Variants in DIPK1A observed in about 807,000 individuals in gnomAD.
The protein encoded by DIPK1A is family with sequence similarity 69 member A.
DIPK1A carries 27 observed loss-of-function variants against 40.8 expected under a neutral mutation model. The observed-to-expected ratio is 0.66, with a 90% CI of 0.49 to 0.91. The LOEUF is 0.91. Ranked by LOEUF, DIPK1A falls within the 40% of genes least tolerant of loss-of-function variation. The pLI, the probability that DIPK1A is intolerant of heterozygous loss-of-function variation, is 0.00. For missense variants in DIPK1A, 412 were observed against 505.7 expected, an observed-to-expected ratio of 0.81 and a Z score of 1.78; for synonymous variants, 166 against 171.3, an observed-to-expected ratio of 0.97 and a Z score of 0.24.
intron 2 of DIPK1A, among the ~76,000 whole-genome samples, chr1:92,874,279 A>G (rs1057465775): frequency 6.6e-6 from 1 of 152,222 alleles, no homozygotes; most frequent in African/African-American, 2.4e-5. Context: ...ATGATACAAG[A>G]TATTTAAAAG....
intron 1 of DIPK1A, among the ~76,000 whole-genome samples, chr1:92,918,193 A>C (rs1384945072): frequency 1.3e-5 from 2 of 152,048 alleles, no homozygotes; most frequent in Non-Finnish European, 2.9e-5. Flanking sequence ...TCTGTCGCCC[A>C]GGCTGGAGTG....
chr1:92,931,125 T>G (rs1403479495), intron 1 of DIPK1A: 3 of 152,164 alleles, frequency 2.0e-5, no homozygotes. Flanking sequence ...ATTTATTATT[T>G]AGAGCATTTT....
chr1:92,839,755 G>A (rs1468075615), downstream of DIPK1A, among the ~76,000 whole-genome samples: 5 of 152,120 alleles, frequency 3.3e-5, no homozygotes, highest in Admixed American at 3.3e-4. Flanking sequence ...CGCAATATTT[G>A]TTTCTGCAGA....
intron 2 of DIPK1A, among the ~76,000 whole-genome samples, chr1:92,866,321 C>T (rs2100756607): frequency 6.6e-6 from 1 of 152,258 alleles, no homozygotes; most frequent in East Asian, 1.9e-4. Flanking sequence ...AGGATGGTCT[C>T]AAACTCCTGA....
chr1:92,892,549 G>GA (rs534182326), intron 1 of DIPK1A, among the ~76,000 whole-genome samples: 1 of 152,114 alleles, frequency 6.6e-6, no homozygotes, highest in East Asian at 1.9e-4. Context: ...CAAAGATGGG[G>GA]AAAAAACAGA....
At chr1:92,906,459 C>T (rs554998499) in intron 1 of DIPK1A, among the ~76,000 whole-genome samples, 7 of 152,110 alleles carry the variant, frequency 4.6e-5, no homozygotes, top group Non-Finnish European at 7.4e-5. Flanking sequence ...TAGTAAGTTA[C>T]GTGAACTTGA....
At chr1:92,866,408 G>A (rs1184205196) in intron 2 of DIPK1A, among the ~76,000 whole-genome samples, 1 of 152,016 alleles carries the variant, frequency 6.6e-6, no homozygotes, top group African/African-American at 2.4e-5. Flanking sequence ...GGCCTTGAAG[G>A]CCCTGTAGAA....
rs1464347631 is a variant in DIPK1A at position 92,842,169 on chromosome 1, T to C, written c.*1214A>G. On this transcript the variant is annotated 3_prime_UTR_variant, in exon 5 of 5. Coordinates refer to ENST00000370310, the MANE Select transcript of DIPK1A (RefSeq NM_001006605.5). ...ACAGACCAACCATCAGTGGGAAATA[T>C]TTCTTCCATCCATTTATTATAACCA... The C allele has an allele frequency of 6.8e-6, 7 of 1,032,590 alleles. No homozygotes were observed. Among genetic ancestry groups the C allele is most frequent in the Non-Finnish European group, 8.2e-6 (7 of 857,938 alleles). 64.0% of individuals were successfully genotyped at this position (1,032,590 alleles called of 1,614,324 possible).
At chr1:92,927,168 T>C (rs970016844) in intron 1 of DIPK1A, among the ~76,000 whole-genome samples, 2 of 152,138 alleles carry the variant, frequency 1.3e-5, no homozygotes, top group African/African-American at 4.8e-5. Context: ...ATTTAAAGTA[T>C]AGAATTCAAT....
downstream of DIPK1A, chr1:92,841,806 C>T (rs757574773): frequency 3.1e-6 from 5 of 1,611,710 alleles, no homozygotes; most frequent in Admixed American, 1.7e-5. Flanking sequence ...GAAGAAGGAT[C>T]GGGTAGCTCA....
chr1:92,842,385 A>C lies in DIPK1A; in HGVS notation c.*998T>G. On this transcript the variant is annotated 3_prime_UTR_variant, in exon 5 of 5. Coordinates refer to ENST00000370310, the MANE Select transcript of DIPK1A (RefSeq NM_001006605.5). ...CCAAAAGGTGTTTAATTTTATGGAG[A>C]TGTTGAAAGGTACATGCCAAATCTG... 1 of 984,356 alleles carries C rather than the reference A, an allele frequency of 1.0e-6. No homozygotes were observed. The highest frequency in any genetic ancestry group is 1.7e-5 in the African/African-American group (1 of 57,312). The allele number at this position is 984,356 out of a possible 1,614,324, so 61.0% of individuals were successfully genotyped here.
At chr1:92,920,355 C>T (rs1231857436) in intron 1 of DIPK1A, among the ~76,000 whole-genome samples, 2 of 152,216 alleles carry the variant, frequency 1.3e-5, no homozygotes, top group Non-Finnish European at 2.9e-5. Flanking sequence ...GCTCTCCTTG[C>T]CTGCCACCAT....
rs150841810 is a variant in DIPK1A at position 92,862,689 on chromosome 1, G to A, written c.190-11734C>T. The stretch of plus-strand genomic sequence containing the variant: ...ACTTCCCTGCTTAAAAACTTCTACT[G>A]ACTCTCTACTGCTCTGAAGGTAAAA... On this transcript the variant is annotated intron_variant, in intron 2 of 4. Transcript: ENST00000370310. Among the ~76,000 whole-genome samples, 84 of 152,214 alleles carry A rather than the reference G, an allele frequency of 5.5e-4. 1 individual carries two copies. The East Asian group carries it at 0.013, about 23-fold the overall frequency.
intron 4 of DIPK1A, chr1:92,845,461 GAGTT>G (rs1423287734): frequency 3.0e-6 from 1 of 329,914 alleles, no homozygotes; most frequent in African/African-American, 2.6e-5. Context: ...TTGAGCTCAG[GAGTT>G]CTAGACCCGC....
At chr1:92,943,626 T>C (rs1235691250) in intron 1 of DIPK1A, among the ~76,000 whole-genome samples, 1 of 151,596 alleles carries the variant, frequency 6.6e-6, no homozygotes, top group African/African-American at 2.4e-5. Flanking sequence ...CTAGTGTGGG[T>C]ATGTATAGTC....
At chr1:92,847,703 A>G (rs1687685771) in intron 3 of DIPK1A, among the ~76,000 whole-genome samples, 1 of 152,158 alleles carries the variant, frequency 6.6e-6, no homozygotes, top group Admixed American at 6.5e-5. Context: ...TATTTATCAA[A>G]CTAATATTAT....
Position 92,921,787 on chromosome 1 carries a change from C to A in DIPK1A, c.54+39589G>T, listed in dbSNP as rs1467774313. 3.9e-5 allele frequency among the ~76,000 whole-genome samples: 6 copies of A among 152,290 alleles called. 1 individual carries two copies. The highest frequency in any genetic ancestry group is 3.3e-4 in the Admixed American group (5 of 15,306). On this transcript the variant is annotated intron_variant, in intron 1 of 4. Transcript: ENST00000370310. ...GAAAGCAAGTCATCTATAAAAGGTACAAGGAAAGGGACCAGGAGTTCTATC... is the reference window on the plus strand; with the variant it reads ...GAAAGCAAGTCATCTATAAAAGGTAAAAGGAAAGGGACCAGGAGTTCTATC...
chr1:92,923,055 T>C (rs1650331947), intron 1 of DIPK1A, among the ~76,000 whole-genome samples: 1 of 152,232 alleles, frequency 6.6e-6, no homozygotes, highest in African/African-American at 2.4e-5. Context: ...TGCTATTTCA[T>C]GTCCAGTTTA....
chr1:92,886,149 AC>A (rs1648588744), intron 1 of DIPK1A, among the ~76,000 whole-genome samples: 1 of 152,118 alleles, frequency 6.6e-6, no homozygotes, highest in Admixed American at 6.6e-5. Context: ...CCTGGATAAC[AC>A]AGTGAGACCC....
Sources: allele counts gnomAD v4.1 joint callset (sites outside exome capture counted in the v4.1 genomes callset), GRCh38; gene constraint gnomAD v4.1.1; transcripts MANE v1.5; gene names NCBI Gene and HGNC (gene_info 2026-07-23, HGNC 2026-07-21).